The following KPNA7 variants were observed in gnomAD, a reference collection of about 807,000 sequenced individuals.
KPNA7 encodes the protein importin subunit alpha-8.
A neutral mutation model predicts 53.7 loss-of-function variants in KPNA7; 54 were observed. That is an observed-to-expected ratio of 1.01 (90% CI 0.81 to 1.26). KPNA7 has a LOEUF of 1.26. KPNA7 is among the 50% of genes most tolerant of loss of function. The pLI, the probability that KPNA7 is intolerant of heterozygous loss-of-function variation, is 0.00. For missense variants in KPNA7, 640 were observed against 644.5 expected, an observed-to-expected ratio of 0.99 and a Z score of 0.07; for synonymous variants, 276 against 259.3, an observed-to-expected ratio of 1.06 and a Z score of -0.62.
intron 3 of KPNA7, among the ~76,000 whole-genome samples, chr7:99,197,196 G>A (rs1409078964): frequency 6.6e-6 from 1 of 152,178 alleles, no homozygotes; most frequent in East Asian, 1.9e-4. Flanking sequence ...AAAATTGAGT[G>A]TTCTTTTCTT....
At chr7:99,170,963 G>C (rs539155184), downstream of KPNA7, among the ~76,000 whole-genome samples, 55 of 152,290 alleles carry the variant, frequency 3.6e-4, no homozygotes, top group African/African-American at 1.3e-3. Flanking sequence ...TGTTTTCAAA[G>C]GCCAGGTGCG....
At chr7:99,156,574 GA>G in the KPNA7 span, among the ~76,000 whole-genome samples, 1,780 of 152,060 alleles carry the variant, frequency 0.012, 34 homozygotes, top group African/African-American at 0.041. Flanking sequence ...ACCCAGGCTG[GA>G]ATGCAATGGC....
intron 5 of KPNA7, among the ~76,000 whole-genome samples, chr7:99,193,369 A>G (rs1790064840): frequency 6.6e-6 from 1 of 152,216 alleles, no homozygotes; most frequent in Non-Finnish European, 1.5e-5. Flanking sequence ...GGCATCTCAC[A>G]GCATGGTTCT....
At chr7:99,158,966 G>A in the KPNA7 span, among the ~76,000 whole-genome samples, 3 of 152,022 alleles carry the variant, frequency 2.0e-5, no homozygotes, top group African/African-American at 7.2e-5. Context: ...CTGGGTTCAA[G>A]CGATTTTCCT....
chr7:99,170,061 A>G (rs1450526642), downstream of KPNA7, among the ~76,000 whole-genome samples: 6 of 152,130 alleles, frequency 3.9e-5, no homozygotes, highest in African/African-American at 1.2e-4. Flanking sequence ...TGCAGCTCTG[A>G]TCGTTGGGAT....
intron 7 of KPNA7, among the ~76,000 whole-genome samples, chr7:99,187,532 G>T (rs1789659977): frequency 6.7e-6 from 1 of 148,580 alleles, no homozygotes; most frequent in South Asian, 2.1e-4. Flanking sequence ...GAGACTACAG[G>T]TATGCACCAC....
At chr7:99,183,340 T>C (rs1331406976) in intron 8 of KPNA7, among the ~76,000 whole-genome samples, 1 of 152,200 alleles carries the variant, frequency 6.6e-6, no homozygotes, top group African/African-American at 2.4e-5. Flanking sequence ...TCTATTCTTC[T>C]ATTCCTGGGT....
intron 8 of KPNA7, among the ~76,000 whole-genome samples, chr7:99,184,142 C>G (rs1041600208): frequency 7.0e-6 from 1 of 143,560 alleles, no homozygotes; most frequent in African/African-American, 2.6e-5. Context: ...AGCCACTGTG[C>G]CTGCCCACAA....
chr7:99,206,730 A>T (rs1359732351), intron 2 of KPNA7, among the ~76,000 whole-genome samples: 1 of 152,028 alleles, frequency 6.6e-6, no homozygotes, highest in African/African-American at 2.4e-5. Flanking sequence ...GGCCTCCCCC[A>T]AAGTACTGGG....
At chr7:99,161,222 ACTCTCTCTCTCTCTCTCTCTCTCTCTCT>A in the KPNA7 span, among the ~76,000 whole-genome samples, 199 of 146,896 alleles carry the variant, frequency 1.4e-3, no homozygotes, top group Middle Eastern at 3.5e-3. Context: ...ATGTACACAA[ACTCTCTCTCTCTCTCTCTCTCTCTCTCT>A]CTCTCTCTCT....
chr7:99,192,059 A>C (rs1168123766), intron 6 of KPNA7, among the ~76,000 whole-genome samples: 1 of 152,146 alleles, frequency 6.6e-6, no homozygotes, highest in East Asian at 1.9e-4. Flanking sequence ...CAAATCAACC[A>C]ACCTTGACTC....
chr7:99,157,601 C>T, the KPNA7 span, among the ~76,000 whole-genome samples: 2,955 of 152,300 alleles, frequency 0.019, 39 homozygotes, highest in Non-Finnish European at 0.029. Flanking sequence ...TTCTATACAT[C>T]TGTGTATTCC....
chr7:99,164,362 A>G, the KPNA7 span, among the ~76,000 whole-genome samples: 3 of 151,988 alleles, frequency 2.0e-5, no homozygotes, highest in African/African-American at 7.3e-5. Flanking sequence ...ACTAGAAACC[A>G]TCATTCTCAG....
chr7:99,193,004 G>GA lies in KPNA7; in HGVS notation c.636+14dup. On this transcript the variant is annotated intron_variant, in intron 6 of 10. Transcript: ENST00000327442. Reference sequence around the variant, plus strand: ...TAATTTAAAAAAAAAAAAAGAGAAAGAAAAAGACACTTACCGGCAGGGTGG... The same window carrying GA: ...TAATTTAAAAAAAAAAAAAGAGAAAGAAAAAAGACACTTACCGGCAGGGTGG... 5 of 1,466,888 alleles carry GA rather than the reference G, an allele frequency of 3.4e-6. No homozygotes were observed. The highest frequency in any genetic ancestry group is 4.5e-6 in the Non-Finnish European group (5 of 1,101,942). 90.9% of individuals were successfully genotyped at this position (1,466,888 alleles called of 1,614,324 possible). A position where few individuals can be genotyped will look rare whatever the true frequency, so the allele number is the denominator to read the frequency against.
intron 10 of KPNA7, among the ~76,000 whole-genome samples, chr7:99,174,709 C>A (rs1162226160): frequency 6.6e-6 from 1 of 152,132 alleles, no homozygotes; most frequent in Non-Finnish European, 1.5e-5. Flanking sequence ...AATGAGTAAG[C>A]AAATGATAGG....
At chr7:99,161,639 T>C in the KPNA7 span, among the ~76,000 whole-genome samples, 1 of 152,220 alleles carries the variant, frequency 6.6e-6, no homozygotes, top group East Asian at 1.9e-4. Context: ...TAGTTATTAG[T>C]GATTCCCTGT....
At chr7:99,153,845 C>T in the KPNA7 span, among the ~76,000 whole-genome samples, 5 of 151,606 alleles carry the variant, frequency 3.3e-5, no homozygotes, top group South Asian at 2.1e-4. Context: ...TGTGGTGGCT[C>T]GTGCCTGTAG....
intron 3 of KPNA7, among the ~76,000 whole-genome samples, chr7:99,200,326 C>T (rs905331412): frequency 3.6e-4 from 55 of 152,326 alleles, no homozygotes; most frequent in Non-Finnish European, 5.9e-5. Context: ...GCATGAGCCA[C>T]CATGCCCGGC....
chr7:99,187,666 G>A (rs1263630449), intron 7 of KPNA7, among the ~76,000 whole-genome samples: 1 of 150,152 alleles, frequency 6.7e-6, no homozygotes, highest in African/African-American at 2.4e-5. Context: ...GAATTCTCCT[G>A]CCTCAGCCTC....
Sources: allele counts gnomAD v4.1 joint callset (sites outside exome capture counted in the v4.1 genomes callset), GRCh38; gene constraint gnomAD v4.1.1; transcripts MANE v1.5; gene names NCBI Gene and HGNC (gene_info 2026-07-23, HGNC 2026-07-21).